The following TP53BP1 variants were observed in gnomAD, a reference collection of about 807,000 sequenced individuals.
The protein encoded by TP53BP1 is tumor protein p53 binding protein 1.
TP53BP1 carries 61 observed loss-of-function variants against 200.8 expected under a neutral mutation model. The ratio of observed to expected loss-of-function variants is 0.30; its 90% CI spans 0.25 to 0.38. The LOEUF (loss-of-function observed/expected upper bound fraction) is 0.38, where lower values mean the gene tolerates loss of function less well. Among genes scored for constraint, TP53BP1 ranks in the 10% least tolerant of loss-of-function variants. The pLI is 1.00. For missense variants in TP53BP1, 2,144 were observed against 2,371.9 expected, an observed-to-expected ratio of 0.90 and a Z score of 2.00; for synonymous variants, 822 against 844.3, an observed-to-expected ratio of 0.97 and a Z score of 0.46.
At position 43,469,849 on chromosome 15, in the gene TP53BP1, A is replaced by G. The variant is rs2046680632; in HGVS notation, c.1389+9T>C. ...TGTTAGGAGAAACAACTCTTTTTAC[A>G]ATACTCACATGAGAAAACTGAGGCT... On this transcript the variant is annotated intron_variant, in intron 11 of 27. Coordinates refer to ENST00000382044, the MANE Select transcript of TP53BP1 (RefSeq NM_001141980.3). 1.9e-6 allele frequency: 3 copies of G among 1,605,634 alleles called. No individual in the cohort carries two copies. Among genetic ancestry groups the G allele is most frequent in the Admixed American group, 1.7e-5 (1 of 59,786 alleles).
At chr15:43,446,240 C>A in intron 14 of TP53BP1, 147 bp downstream of exon 14, 3 of 653,940 alleles carry the variant, frequency 4.6e-6, no homozygotes, top group South Asian at 2.3e-5. Context: ...GACAGGCTGG[C>A]CAAAAGCAAA....
chr15:43,506,352 T>A (rs1387204400), intron 1 of TP53BP1, among the ~76,000 whole-genome samples: 4 of 152,170 alleles, frequency 2.6e-5, no homozygotes, highest in Non-Finnish European at 5.9e-5. Context: ...ATTGGATAAT[T>A]TATCACTATA....
chr15:43,509,388 T>C (rs747162686), intron 1 of TP53BP1, among the ~76,000 whole-genome samples: 2 of 152,060 alleles, frequency 1.3e-5, no homozygotes, highest in Admixed American at 6.6e-5. Context: ...TGCTCCATGG[T>C]AGGGACCAGG....
chr15:43,454,856 C>T (rs973485274), intron 12 of TP53BP1, among the ~76,000 whole-genome samples: 2 of 152,162 alleles, frequency 1.3e-5, no homozygotes, highest in African/African-American at 2.4e-5. Flanking sequence ...CTCAGCCTCC[C>T]GAGTAGCTGG....
intron 26 of TP53BP1, 22 bp from the exon 27 acceptor site, chr15:43,408,110 A>C: frequency 6.2e-7 from 1 of 1,610,198 alleles, no homozygotes; most frequent in Non-Finnish European, 8.5e-7. Flanking sequence ...ACAGGAAAGG[A>C]CCTTAGCATG....
At chr15:43,500,445 C>A (rs1233655193) in intron 1 of TP53BP1, among the ~76,000 whole-genome samples, 1 of 151,948 alleles carries the variant, frequency 6.6e-6, no homozygotes, top group African/African-American at 2.4e-5. Flanking sequence ...TCTATATCCA[C>A]CCACTTCCCC....
In TP53BP1 at chr15:43,485,586, A is replaced by AAAAAAAAAAAAG. The variant is rs1204053732; in HGVS notation, c.372-4565_372-4564insCTTTTTTTTTTT. On this transcript the variant is annotated intron_variant, in intron 4 of 27. Coordinates refer to ENST00000382044, the MANE Select transcript of TP53BP1 (RefSeq NM_001141980.3). ...AGCGAGACGCCGTCTCAAAAAAAAA[A>AAAAAAAAAAAAG]AAAGAAAGTACTTTGGGAGGCCGAG... Among the ~76,000 whole-genome samples the AAAAAAAAAAAAG allele has an allele frequency of 1.0e-4, 15 of 148,674 alleles. No individual in the cohort carries two copies. The South Asian group carries it at 2.8e-3, about 28-fold the overall frequency.
chr15:43,467,836 T>C (rs189385327), intron 11 of TP53BP1, among the ~76,000 whole-genome samples: 115 of 152,038 alleles, frequency 7.6e-4, no homozygotes, highest in African/African-American at 2.7e-3. Context: ...CAGGCTGCAG[T>C]GCAGTGGCGC....
chr15:43,415,880 C>T, intron 22 of TP53BP1, 71 bp from the exon 23 acceptor site: 2 of 1,309,548 alleles, frequency 1.5e-6, no homozygotes, highest in Non-Finnish European at 2.2e-6. Context: ...AGAAACTGGG[C>T]AGACCCTGAT....
intron 4 of TP53BP1, among the ~76,000 whole-genome samples, chr15:43,485,848 A>G (rs998345038): frequency 1.3e-5 from 2 of 152,114 alleles, no homozygotes; most frequent in African/African-American, 4.8e-5. Context: ...TCCGTTTCAA[A>G]AAAGAAAAAA....
chr15:43,473,607 G>A (rs1246576712), intron 10 of TP53BP1, among the ~76,000 whole-genome samples: 1 of 152,154 alleles, frequency 6.6e-6, no homozygotes, highest in Non-Finnish European at 1.5e-5. Context: ...TAGACATAAA[G>A]GTTCTCCACG....
chr15:43,478,973 A>G (rs931283253), intron 7 of TP53BP1, among the ~76,000 whole-genome samples: 1 of 152,202 alleles, frequency 6.6e-6, no homozygotes, highest in Non-Finnish European at 1.5e-5. Context: ...CACTTTGGGA[A>G]GCTGAGGCAG....
Position 43,492,395 on chromosome 15 carries a change from A to T in TP53BP1, c.81T>A (p.Ile27=). 1.2e-6 allele frequency: 2 copies of T among 1,613,886 alleles called. No individual in the cohort carries two copies. Among genetic ancestry groups the T allele is most frequent in the Non-Finnish European group, 1.7e-6 (2 of 1,179,796 alleles). ...FSQQDTPCLI[I]EDSQPESQVL... is the part of the protein sequence containing the mutation. Reference sequence around the variant, plus strand: ...CCTGGCTTTCAGGCTGAGAATCTTCAATTATCAGGCAAGGAGTATCTTGCT... The same window carrying T: ...CCTGGCTTTCAGGCTGAGAATCTTCTATTATCAGGCAAGGAGTATCTTGCT... Residue 27 remains isoleucine (I), a synonymous_variant, in exon 2 of 28, where the codon ATT becomes ATA. Transcript: ENST00000382044.
In TP53BP1 at chr15:43,406,787, A is replaced by C. The variant is rs1205415876; in HGVS notation, c.*596T>G. 2 of 352,846 alleles carry C rather than the reference A, an allele frequency of 5.7e-6. No individual in the cohort carries two copies. The highest frequency in any genetic ancestry group is 4.3e-5 in the African/African-American group (2 of 46,718). 21.9% of individuals were successfully genotyped at this position (352,846 alleles called of 1,614,324 possible). On this transcript the variant is annotated 3_prime_UTR_variant, in exon 28 of 28. Coordinates refer to ENST00000382044, the MANE Select transcript of TP53BP1 (RefSeq NM_001141980.3). Reference sequence around the variant, plus strand: ...TGTGCTTCCCATGTTTATCTTACGGAAGGTCATTCCATCAAGCTTATGGTC... The same window carrying C: ...TGTGCTTCCCATGTTTATCTTACGGCAGGTCATTCCATCAAGCTTATGGTC...
chr15:43,406,312 C>T lies in TP53BP1; in HGVS notation c.*1071G>A, dbSNP rs1330195969. ...GTGTTCTGGCATCAGGTTATAGTCA[C>T]TGCATCTGGTTTTCATCACTACATA... is the stretch of plus-strand genomic sequence containing the variant. On this transcript the variant is annotated 3_prime_UTR_variant, in exon 28 of 28. Transcript: ENST00000382044. 3.9e-6 allele frequency: 1 copy of T among 253,450 alleles called. No individual in the cohort carries two copies. The highest frequency in any genetic ancestry group is 7.9e-6 in the Non-Finnish European group (1 of 126,838). The allele number at this position is 253,450 out of a possible 1,614,324, so 15.7% of individuals were successfully genotyped here.
chr15:43,504,715 A>T (rs749798333), intron 1 of TP53BP1, among the ~76,000 whole-genome samples: 2 of 152,206 alleles, frequency 1.3e-5, no homozygotes, highest in Admixed American at 6.5e-5. Context: ...GACTGAATAA[A>T]AAGGTTGATA....
chr15:43,415,463 G>T, intron 23 of TP53BP1, 131 bp downstream of exon 23: 1 of 913,894 alleles, frequency 1.1e-6, no homozygotes, highest in Non-Finnish European at 1.8e-6. Flanking sequence ...TCACCTGTGG[G>T]CTTGGGCAGG....
rs142886128 is a variant in TP53BP1, at chr15:43,433,607, T to C, written c.3192-930A>G. ...TTCTCTGAATCAATTAATTGCAAAA[T>C]CTACTCAGATTAAATCAACATAATG... On this transcript the variant is annotated intron_variant, in intron 16 of 27. Transcript: ENST00000382044. Among the ~76,000 whole-genome samples the C allele has an allele frequency of 2.9e-3, 441 of 152,296 alleles. 2 individuals carry two copies. Among genetic ancestry groups the C allele is most frequent in the African/African-American group, 0.01 (417 of 41,558 alleles).
intron 4 of TP53BP1, among the ~76,000 whole-genome samples, chr15:43,482,119 C>T (rs559456236): frequency 6.6e-6 from 1 of 151,426 alleles, no homozygotes; most frequent in African/African-American, 2.4e-5. Flanking sequence ...GTCCCAGCTA[C>T]TCAGGAGGCT....
Sources: gnomAD v4.1 joint callset for allele counts (sites outside exome capture counted in the v4.1 genomes callset) on GRCh38, gnomAD v4.1.1 for gene constraint, MANE v1.5 for transcripts, NCBI Gene and HGNC (gene_info 2026-07-23, HGNC 2026-07-21) for gene names.